Variants in RANBP17 observed in about 807,000 individuals in gnomAD.
The protein encoded by RANBP17 is RAN binding protein 17.
In RANBP17, 158 loss-of-function variants were observed where a neutral mutation model predicts 141.2. That is an observed-to-expected ratio of 1.12 (90% CI 0.98 to 1.28). The LOEUF is 1.28. RANBP17 is among the 50% of genes most tolerant of loss of function. The probability of loss-of-function intolerance (pLI) is 0.00; values close to 1 mark genes in which losing one functional copy is unlikely to be tolerated. For missense variants in RANBP17, 1,438 were observed against 1,290.7 expected, an observed-to-expected ratio of 1.11 and a Z score of -1.75; for synonymous variants, 430 against 450.0, an observed-to-expected ratio of 0.96 and a Z score of 0.56.
intron 14 of RANBP17, among the ~76,000 whole-genome samples, chr5:170,977,374 G>A (rs1235989757): frequency 6.6e-6 from 1 of 151,944 alleles, no homozygotes; most frequent in African/African-American, 2.4e-5. Context: ...TGGAGAAATA[G>A]GAATCTTCAT....
At chr5:171,199,979 A>G (rs1411022497) in intron 19 of RANBP17, among the ~76,000 whole-genome samples, 1 of 152,200 alleles carries the variant, frequency 6.6e-6, no homozygotes, top group Admixed American at 6.5e-5. Flanking sequence ...AGTTTTGGAC[A>G]GTCAGTTCAT....
At chr5:171,231,600 G>A (rs1764214209) in intron 22 of RANBP17, among the ~76,000 whole-genome samples, 1 of 152,108 alleles carries the variant, frequency 6.6e-6, no homozygotes, top group Admixed American at 6.5e-5. Context: ...GGTTTTGCTG[G>A]TAGCTACCAG....
chr5:170,898,067 A>T (rs938819906), intron 5 of RANBP17, among the ~76,000 whole-genome samples: 1 of 152,188 alleles, frequency 6.6e-6, no homozygotes, highest in Non-Finnish European at 1.5e-5. Context: ...CCTCTCTAGC[A>T]TCTGTTGTTT....
At chr5:170,862,162 C>A in intron 1 of RANBP17, 111 bp downstream of exon 1, 1 of 1,149,152 alleles carries the variant, frequency 8.7e-7, no homozygotes, top group Non-Finnish European at 1.1e-6. Flanking sequence ...GGCCGTGGGC[C>A]GGTGTCCCCG....
chr5:171,201,051 G>A (rs1561758140), intron 19 of RANBP17, among the ~76,000 whole-genome samples: 1 of 152,174 alleles, frequency 6.6e-6, no homozygotes, highest in African/African-American at 2.4e-5. Context: ...GAGCAGTGAA[G>A]TTGAAAAACA....
At chr5:171,293,149 C>G (rs775955218) in intron 25 of RANBP17, among the ~76,000 whole-genome samples, 61 of 152,320 alleles carry the variant, frequency 4.0e-4, no homozygotes, top group Admixed American at 1.7e-3. Flanking sequence ...AGAGTCATCC[C>G]TGCCTCCTCG....
rs182821548 is a variant in RANBP17 at position 171,126,033 on chromosome 5, G to C, written c.1711-44097G>C. On this transcript the variant is annotated intron_variant, in intron 14 of 27. Coordinates refer to ENST00000523189, the MANE Select transcript of RANBP17 (RefSeq NM_022897.5). ...AAACTCCTGACCTCGTGATCCGCCC[G>C]CCTTGGCCTCCCAAAGTGCTGGGAT... Among the ~76,000 whole-genome samples, 1,144 of 152,202 alleles carry C rather than the reference G, an allele frequency of 7.5e-3. 13 individuals carry two copies. The highest frequency in any genetic ancestry group is 0.026 in the African/African-American group (1,083 of 41,536).
At chr5:171,116,082 A>G (rs1433889545) in intron 14 of RANBP17, among the ~76,000 whole-genome samples, 1 of 152,238 alleles carries the variant, frequency 6.6e-6, no homozygotes, top group Non-Finnish European at 1.5e-5. Flanking sequence ...AACTTCTTGT[A>G]GAGAGAATTA....
intron 23 of RANBP17, 107 bp downstream of exon 23, chr5:171,241,249 A>G: frequency 1.2e-6 from 1 of 820,470 alleles, no homozygotes; most frequent in Non-Finnish European, 1.9e-6. Context: ...AGAACATTTT[A>G]TGTTTTAAGA....
chr5:171,232,339 A>G (rs1764253191), intron 22 of RANBP17, among the ~76,000 whole-genome samples: 1 of 152,204 alleles, frequency 6.6e-6, no homozygotes, highest in South Asian at 2.1e-4. Context: ...TCCATCTTCT[A>G]TGTCAGCAAC....
intron 13 of RANBP17, among the ~76,000 whole-genome samples, chr5:170,961,964 T>C (rs1776182902): frequency 6.6e-6 from 1 of 152,106 alleles, no homozygotes; most frequent in Non-Finnish European, 1.5e-5. Context: ...TATGGCAAAG[T>C]GATTATGTTC....
chr5:171,208,994 A>G (rs970052333), intron 20 of RANBP17, among the ~76,000 whole-genome samples: 1 of 152,212 alleles, frequency 6.6e-6, no homozygotes, highest in Non-Finnish European at 1.5e-5. Flanking sequence ...CATGAGGAGT[A>G]TAGATACTAC....
chr5:171,050,872 C>T (rs1782909399), intron 14 of RANBP17, among the ~76,000 whole-genome samples: 1 of 152,048 alleles, frequency 6.6e-6, no homozygotes, highest in Non-Finnish European at 1.5e-5. Flanking sequence ...TTTCTTTTAT[C>T]TGAGAATGTC....
intron 12 of RANBP17, among the ~76,000 whole-genome samples, chr5:170,938,649 T>A (rs996573572): frequency 3.2e-4 from 48 of 152,190 alleles, no homozygotes; most frequent in Non-Finnish European, 6.2e-4. Context: ...TGAAAAAACT[T>A]TTTTTATTGA....
chr5:171,004,769 C>T (rs1218665782), intron 14 of RANBP17, among the ~76,000 whole-genome samples: 3 of 152,090 alleles, frequency 2.0e-5, no homozygotes, highest in African/African-American at 7.2e-5. Flanking sequence ...CCAGCGGGGG[C>T]CCACACAGAC....
intron 1 of RANBP17, among the ~76,000 whole-genome samples, chr5:170,875,052 G>T (rs987971691): frequency 9.9e-5 from 15 of 152,156 alleles, no homozygotes; most frequent in Non-Finnish European, 2.2e-4. Flanking sequence ...GCATTTGCTT[G>T]TCTGAAATGG....
intron 1 of RANBP17, 63 bp downstream of exon 1, chr5:170,862,114 TG>T: frequency 7.2e-7 from 1 of 1,397,956 alleles, no homozygotes; most frequent in South Asian, 1.5e-5. Context: ...GGGACGCGTC[TG>T]GAGACCGAGG....
chr5:170,923,195 A>G (rs911039014), intron 11 of RANBP17, among the ~76,000 whole-genome samples: 17 of 152,152 alleles, frequency 1.1e-4, no homozygotes, highest in Middle Eastern at 3.2e-3. Context: ...TACCTGGCAT[A>G]AGGCTAGAGT....
intron 14 of RANBP17, among the ~76,000 whole-genome samples, chr5:171,158,780 T>C (rs1759085705): frequency 6.6e-6 from 1 of 152,184 alleles, no homozygotes; most frequent in Non-Finnish European, 1.5e-5. Flanking sequence ...GCCCTTTTTA[T>C]CTGGTCATTT....
Sources: gnomAD v4.1 joint callset for allele counts (sites outside exome capture counted in the v4.1 genomes callset) on GRCh38, gnomAD v4.1.1 for gene constraint, MANE v1.5 for transcripts, NCBI Gene and HGNC (gene_info 2026-07-23, HGNC 2026-07-21) for gene names.